The following COL1A2 variants were observed in gnomAD, a reference collection of about 807,000 sequenced individuals.
The protein encoded by COL1A2 is collagen type I alpha 2 chain.
A neutral mutation model predicts 174.3 loss-of-function variants in COL1A2; 49 were observed. The observed-to-expected ratio is 0.28, with a 90% CI of 0.22 to 0.36. The LOEUF is 0.36. Ranked by LOEUF, COL1A2 falls within the 10% of genes least tolerant of loss-of-function variation. The pLI is 1.00. For missense variants in COL1A2, 1,438 were observed against 1,822.7 expected (o/e 0.79, Z 3.84); for synonymous variants, 655 against 606.6 (o/e 1.08, Z -1.17).
At position 94,422,944 on chromosome 7, in the gene COL1A2, C is replaced by A; in HGVS notation, c.2404-13C>A. 1 of 1,614,092 alleles carries A rather than the reference C, an allele frequency of 6.2e-7. No homozygotes were observed. Among genetic ancestry groups the A allele is most frequent in the Non-Finnish European group, 8.5e-7 (1 of 1,179,988 alleles). The stretch of plus-strand genomic sequence containing the variant: ...TTAACAGAAAGGAAATGACCTTGTA[C>A]ATTTGCTCATAGGGTATTTCTGGCC... On this transcript the variant is annotated splice_polypyrimidine_tract_variant and intron_variant, in intron 39 of 51. Coordinates refer to ENST00000297268, the MANE Select transcript of COL1A2 (RefSeq NM_000089.4).
chr7:94,427,702 G>A lies in COL1A2; in HGVS notation c.3343G>A (p.Asp1115Asn). The change falls in exon 49 of 52, where the codon GAC (aspartate) becomes AAC (asparagine). Residue 1115 changes from aspartate to asparagine, a missense_variant. Physicochemically the swap from Asp to Asn is conservative, Grantham distance 23. This residue lies in a region of COL1A2 where 867 missense variants were observed against 1,213.7 expected (regional missense o/e 0.71). Coordinates refer to ENST00000297268, the MANE Select transcript of COL1A2 (RefSeq NM_000089.4). ...GGGYDFGYDG[D>N]FYRADQPRSA... ...TGGTTATGACTTTGGTTACGATGGA[G>A]ACTTCTACAGGGCTGACCAGCCTCG... 1 of 1,614,134 alleles carries A rather than the reference G, an allele frequency of 6.2e-7. No homozygotes were observed. The highest frequency in any genetic ancestry group is 8.5e-7 in the Non-Finnish European group (1 of 1,180,036).
At chr7:94,429,506 G>A (rs147697282) in intron 51 of COL1A2, 76 bp downstream of exon 51, 1 of 1,563,262 alleles carries the variant, frequency 6.4e-7, no homozygotes, top group Non-Finnish European at 8.8e-7. Context: ...GCCCCCAAGG[G>A]GGGGTCTAAA....
rs1791552910 is a variant in COL1A2 at position 94,394,979 on chromosome 7, C to G, written c.-53C>G. 1.9e-6 allele frequency: 3 copies of G among 1,547,306 alleles called. No individual in the cohort carries two copies. Among genetic ancestry groups the G allele is most frequent in the Non-Finnish European group, 2.7e-6 (3 of 1,120,940 alleles). On this transcript the variant is annotated 5_prime_UTR_variant, in exon 1 of 52. Coordinates refer to ENST00000297268, the MANE Select transcript of COL1A2 (RefSeq NM_000089.4). ...CGCGCCCGCCAGGTGATACCTCCGC[C>G]GGTGACCCAGGGGCTCTGCGACACA...
At position 94,427,679 on chromosome 7, in the gene COL1A2, G is replaced by T. The variant is rs1282531088; in HGVS notation, c.3320G>T (p.Gly1107Val). 4 of 1,614,136 alleles carry T rather than the reference G, an allele frequency of 2.5e-6. No individual in the cohort carries two copies. The highest frequency in any genetic ancestry group is 3.4e-6 in the Non-Finnish European group (4 of 1,180,040). ...GGACCTCCAGGTGTAAGCGGTGGTG[G>T]TTATGACTTTGGTTACGATGGAGAC... ...PPGPPGVSGG[G>V]YDFGYDGDFY... The change falls in exon 49 of 52, where the codon GGT becomes GTT. Residue 1107 changes from glycine to valine, a missense_variant. Physicochemically the swap from Gly to Val is moderately radical, Grantham distance 109. Transcript: ENST00000297268.
chr7:94,427,536 C>T (rs1281811265), intron 48 of COL1A2, 91 bp from the exon 49 acceptor site: 13 of 1,430,570 alleles, frequency 9.1e-6, no homozygotes, highest in African/African-American at 2.8e-5. Context: ...AACATGCTTC[C>T]GTGTGAAGCT....
Position 94,422,148 on chromosome 7 carries a change from T to C in COL1A2, c.2403+196T>C, listed in dbSNP as rs571802577. The C allele has an allele frequency of 2.8e-5, 14 of 504,966 alleles. No homozygotes were observed. The South Asian group carries it at 5.0e-4, about 18-fold the overall frequency. 31.3% of individuals were successfully genotyped at this position (504,966 alleles called of 1,614,324 possible). Reference sequence around the variant, plus strand: ...ATTTTATAATATCAGTTTAAGAGGCTTTTATTCATGTGAACACCAGTCCCC... The same window carrying C: ...ATTTTATAATATCAGTTTAAGAGGCCTTTATTCATGTGAACACCAGTCCCC... On this transcript the variant is annotated intron_variant, in intron 39 of 51. Transcript: ENST00000297268.
intron 10 of COL1A2, 39 bp from the exon 11 acceptor site, chr7:94,405,634 G>C: frequency 6.4e-7 from 1 of 1,553,370 alleles, no homozygotes; most frequent in South Asian, 1.1e-5. Flanking sequence ...TTTATTTATG[G>C]TAAAACATTA....
intron 10 of COL1A2, 134 bp from the exon 11 acceptor site, chr7:94,405,539 C>G (rs1791777642): frequency 7.0e-6 from 6 of 861,346 alleles, no homozygotes; most frequent in Non-Finnish European, 1.2e-5. Flanking sequence ...ATTTGTCACT[C>G]TGTGCTTAGA....
chr7:94,405,241 G>A lies in COL1A2; in HGVS notation c.475G>A (p.Val159Ile), dbSNP rs886062514. ...KPGRPGERGV[V>I]GPQGARGFPG... ...CGGACGACCTGGTGAGAGAGGAGTT[G>A]TTGGACCACAGGTGAGACTTTTTAC... Residue 159 changes from valine (V) to isoleucine (I), a missense_variant, in exon 10 of 52, where the codon GTT becomes ATT. Around this residue, in one of 3 missense-constraint regions of COL1A2, gnomAD observed 281 missense variants for 310.9 expected, o/e 0.90. Coordinates refer to ENST00000297268, the MANE Select transcript of COL1A2 (RefSeq NM_000089.4). The A allele has an allele frequency of 1.9e-6, 3 of 1,613,990 alleles. No homozygotes were observed. Among genetic ancestry groups the A allele is most frequent in the South Asian group, 1.1e-5 (1 of 91,076 alleles).
rs986683529 is a variant in COL1A2 at position 94,431,125 on chromosome 7, T to G, written c.*732T>G. The G allele has an allele frequency of 2.0e-5, 3 of 152,630 alleles. No individual in the cohort carries two copies. The highest frequency in any genetic ancestry group is 7.2e-5 in the African/African-American group (3 of 41,452). The allele number at this position is 152,630 out of a possible 1,614,324, so 9.5% of individuals were successfully genotyped here. On this transcript the variant is annotated 3_prime_UTR_variant, in exon 52 of 52. Transcript: ENST00000297268. ...CATGGTTCCACAGAAGCTTTGTTTC[T>G]TGGGCAAGCAGAAAAATTAAATTGT...
At chr7:94,424,971 A>T (rs1371520870) in intron 41 of COL1A2, 146 bp from the exon 42 acceptor site, 1 of 717,062 alleles carries the variant, frequency 1.4e-6, no homozygotes, top group African/African-American at 1.7e-5. Flanking sequence ...GATACTAATG[A>T]TACTTCTTAC....
intron 4 of COL1A2, 66 bp from the exon 5 acceptor site, chr7:94,400,130 C>T (rs772333670): frequency 1.1e-5 from 16 of 1,438,094 alleles, no homozygotes; most frequent in Non-Finnish European, 1.6e-5. Context: ...CTGATCTTAC[C>T]ACATATAATT....
intron 12 of COL1A2, among the ~76,000 whole-genome samples, chr7:94,407,350 A>ACTACTACTACTG (rs796990480): frequency 0.053 from 8,058 of 151,850 alleles, 696 homozygotes; most frequent in African/African-American, 0.18. Flanking sequence ...TCCCACTACT[A>ACTACTACTACTG]CTACTACTAC....
At position 94,427,849 on chromosome 7, in the gene COL1A2, C is replaced by G; in HGVS notation, c.3490C>G (p.Arg1164Gly). 6.2e-7 allele frequency: 1 copy of G among 1,614,102 alleles called. No homozygotes were observed. The highest frequency in any genetic ancestry group is 1.3e-5 in the African/African-American group (1 of 75,030). The part of the protein sequence containing the change: ...GSRKNPARTC[R>G]DLRLSHPEWS... ...TAGAAAGAACCCAGCTCGCACATGC[C>G]GTGACTTGAGACTCAGCCACCCAGA... Residue 1164 changes from arginine (R) to glycine (G), a missense_variant, in exon 49 of 52, where the codon CGT (arginine) becomes GGT (glycine). Arg to Gly is a moderately radical substitution (Grantham distance 125, BLOSUM62 -2). Around this residue, in one of 3 missense-constraint regions of COL1A2, gnomAD observed 290 missense variants for 298.1 expected, o/e 0.97. Coordinates refer to ENST00000297268, the MANE Select transcript of COL1A2 (RefSeq NM_000089.4).
rs1327750145 is a variant in COL1A2, at chr7:94,430,636, A to G, written c.*243A>G. Reference sequence around the variant, plus strand: ...TTTTTTCAACACTCTTACACCTGTTATGGAAAATGTCAACCTTTGTAAGAA... The same window carrying G: ...TTTTTTCAACACTCTTACACCTGTTGTGGAAAATGTCAACCTTTGTAAGAA... On this transcript the variant is annotated 3_prime_UTR_variant, in exon 52 of 52. Transcript: ENST00000297268. 1 of 477,920 alleles carries G rather than the reference A, an allele frequency of 2.1e-6. No individual in the cohort carries two copies. The highest frequency in any genetic ancestry group is 3.7e-6 in the Non-Finnish European group (1 of 270,788). 29.6% of individuals were successfully genotyped at this position (477,920 alleles called of 1,614,324 possible).
intron 23 of COL1A2, among the ~76,000 whole-genome samples, chr7:94,411,436 A>G (rs994460434): frequency 3.3e-5 from 5 of 152,186 alleles, no homozygotes; most frequent in Non-Finnish European, 2.9e-5. Context: ...TATCAGCATG[A>G]ATCTTTTATC....
rs757896423 is a variant in COL1A2, at chr7:94,420,186, C to G, written c.2080-47C>G. 6.2e-6 allele frequency: 10 copies of G among 1,611,048 alleles called. No homozygotes were observed. The African/African-American group carries it at 8.0e-5, about 13-fold the overall frequency. On this transcript the variant is annotated intron_variant, in intron 34 of 51. Transcript: ENST00000297268. The stretch of plus-strand genomic sequence containing the variant: ...TCTCTCTCCCTCCCAGTTCTTTGAG[C>G]ATCTATGTCAGGCACATTAACAGAT...
At chr7:94,401,239 A>C (rs1791681431) in intron 5 of COL1A2, among the ~76,000 whole-genome samples, 1 of 152,110 alleles carries the variant, frequency 6.6e-6, no homozygotes, top group African/African-American at 2.4e-5. Flanking sequence ...AGTAACATTA[A>C]AAGTTTAGAA....
intron 33 of COL1A2, 149 bp from the exon 34 acceptor site, chr7:94,419,349 C>A: frequency 1.1e-6 from 1 of 882,062 alleles, no homozygotes; most frequent in Non-Finnish European, 1.8e-6. Context: ...TTAATTAGAA[C>A]CAAAATACAT....
Sources: allele counts gnomAD v4.1 joint callset (sites outside exome capture counted in the v4.1 genomes callset), GRCh38; gene constraint gnomAD v4.1.1; regional missense constraint gnomAD v4.1.1; transcripts MANE v1.5; gene names NCBI Gene and HGNC (gene_info 2026-07-23, HGNC 2026-07-21).